Variants in DACH1 observed in about 807,000 individuals in gnomAD.
DACH1 encodes the protein dachshund family transcription factor 1.
A neutral mutation model predicts 54.2 loss-of-function variants in DACH1; 12 were observed. That is an observed-to-expected ratio of 0.22 (90% CI 0.14 to 0.36). The LOEUF (loss-of-function observed/expected upper bound fraction) is 0.36, where lower values mean the gene tolerates loss of function less well. Among genes scored for constraint, DACH1 ranks in the 10% least tolerant of loss-of-function variants. The pLI is 1.00. For missense variants in DACH1, 805 were observed against 929.8 expected (o/e 0.87, Z 1.75); for synonymous variants, 386 against 366.2 (o/e 1.05, Z -0.62).
At chr13:71,667,111 T>G (rs142072987) in intron 2 of DACH1, among the ~76,000 whole-genome samples, 2,293 of 152,270 alleles carry the variant, frequency 0.015, 35 homozygotes, top group Non-Finnish European at 0.023. Context: ...TCAATATTTT[T>G]TAAAGAGAAA....
intron 6 of DACH1, among the ~76,000 whole-genome samples, chr13:71,552,824 TATATATATATATATATATAG>T (rs1272399812): frequency 1.0e-3 from 52 of 50,992 alleles, no homozygotes; most frequent in African/African-American, 2.4e-3. Context: ...TATATATATA[TATATATATATATATATATAG>T]AGAGAGAGAG....
chr13:71,804,067 C>T (rs555218447), intron 1 of DACH1, among the ~76,000 whole-genome samples: 6 of 152,106 alleles, frequency 3.9e-5, no homozygotes, highest in African/African-American at 1.4e-4. Flanking sequence ...ATAGGTAATC[C>T]CAGCACTTCG....
intron 10 of DACH1, among the ~76,000 whole-genome samples, chr13:71,463,973 T>A (rs565722989): frequency 4.9e-4 from 74 of 152,004 alleles, no homozygotes; most frequent in Non-Finnish European, 2.2e-4. Context: ...CTGCTGCAAT[T>A]CTTTAGCAGA....
At chr13:71,580,960 AT>A (rs1219014369) in intron 3 of DACH1, among the ~76,000 whole-genome samples, 2 of 143,466 alleles carry the variant, frequency 1.4e-5, no homozygotes, top group Non-Finnish European at 3.1e-5. Context: ...AGGGGTCTTC[AT>A]TTTTTTCCCA....
chr13:71,591,395 C>T (rs549830884), intron 3 of DACH1, among the ~76,000 whole-genome samples: 38 of 152,194 alleles, frequency 2.5e-4, no homozygotes, highest in Admixed American at 9.8e-4. Flanking sequence ...TCTTTATACA[C>T]ATGGATTATA....
intron 1 of DACH1, among the ~76,000 whole-genome samples, chr13:71,834,395 C>T (rs1319106259): frequency 6.6e-6 from 1 of 151,946 alleles, no homozygotes; most frequent in East Asian, 1.9e-4. Context: ...ATGGATGATG[C>T]AAAGGTTCTC....
At chr13:71,815,613 G>A (rs1032650719) in intron 1 of DACH1, among the ~76,000 whole-genome samples, 17 of 152,132 alleles carry the variant, frequency 1.1e-4, no homozygotes, top group Non-Finnish European at 1.9e-4. Flanking sequence ...TGATTTGAGT[G>A]ATTTTTCAAG....
chr13:71,515,916 G>C (rs1332443446), intron 6 of DACH1, among the ~76,000 whole-genome samples: 1 of 151,754 alleles, frequency 6.6e-6, no homozygotes, highest in African/African-American at 2.4e-5. Flanking sequence ...CTTAATGTTG[G>C]CACACACTGA....
rs1873825808 is a variant in DACH1 at position 71,439,585 on chromosome 13, T to C, written c.*1070A>G. ...TTCAGCCACAATCCATTCCCAATAG[T>C]GCAGCTTGGGGCACTAGCTAGGGTT... On this transcript the variant is annotated 3_prime_UTR_variant, in exon 11 of 11. Coordinates refer to ENST00000613252, the MANE Select transcript of DACH1 (RefSeq NM_080759.6). 1 of 152,470 alleles carries C rather than the reference T, an allele frequency of 6.6e-6. No homozygotes were observed. Among genetic ancestry groups the C allele is most frequent in the Non-Finnish European group, 1.5e-5 (1 of 67,924 alleles). 9.4% of individuals were successfully genotyped at this position (152,470 alleles called of 1,614,324 possible).
Position 71,489,152 on chromosome 13 carries a change from C to T in DACH1, c.1571-4G>A, listed in dbSNP as rs373961997. 556 of 1,609,866 alleles carry T rather than the reference C, an allele frequency of 3.5e-4. No homozygotes were observed. The highest frequency in any genetic ancestry group is 4.4e-4 in the Non-Finnish European group (519 of 1,177,714). On this transcript the variant is annotated splice_polypyrimidine_tract_variant and splice_region_variant and intron_variant, in intron 6 of 10. Coordinates refer to ENST00000613252, the MANE Select transcript of DACH1 (RefSeq NM_080759.6). ...GGTGTAGAAAGCGGGGTCTCATCTGCATGTGATTGAAACAAAAATATAGAA... is the reference window on the plus strand; with the variant it reads ...GGTGTAGAAAGCGGGGTCTCATCTGTATGTGATTGAAACAAAAATATAGAA...
intron 10 of DACH1, among the ~76,000 whole-genome samples, chr13:71,463,575 CAA>C (rs968416656): frequency 6.6e-6 from 1 of 151,876 alleles, no homozygotes. Context: ...CAAAGGAACT[CAA>C]AGATTCTGGA....
At chr13:71,483,460 CAAAT>C (rs1394656453) in intron 7 of DACH1, among the ~76,000 whole-genome samples, 3 of 144,800 alleles carry the variant, frequency 2.1e-5, no homozygotes, top group Non-Finnish European at 3.0e-5. Flanking sequence ...TAATAAATAA[CAAAT>C]AATACCTTAT....
intron 1 of DACH1, among the ~76,000 whole-genome samples, chr13:71,725,090 A>C (rs931926570): frequency 6.6e-6 from 1 of 152,166 alleles, no homozygotes; most frequent in Non-Finnish European, 1.5e-5. Context: ...AAAAATTCAA[A>C]AGAAAACTTG....
chr13:71,748,910 T>C (rs879754247), intron 1 of DACH1, among the ~76,000 whole-genome samples: 4,807 of 38,530 alleles, frequency 0.12, 503 homozygotes, highest in African/African-American at 0.23. Context: ...CTTTCTTTCT[T>C]TCTTTCTTTC....
chr13:71,613,476 T>C (rs1875494044), intron 3 of DACH1, among the ~76,000 whole-genome samples: 1 of 152,144 alleles, frequency 6.6e-6, no homozygotes, highest in Non-Finnish European at 1.5e-5. Context: ...ATCATCACTG[T>C]AGCTGTTGCA....
At chr13:71,575,533 C>A (rs961361366) in intron 3 of DACH1, among the ~76,000 whole-genome samples, 1 of 151,926 alleles carries the variant, frequency 6.6e-6, no homozygotes, top group African/African-American at 2.4e-5. Context: ...TCACTCATAT[C>A]AGTAGAGATG....
At chr13:71,820,289 A>G (rs992661754) in intron 1 of DACH1, among the ~76,000 whole-genome samples, 1 of 151,992 alleles carries the variant, frequency 6.6e-6, no homozygotes, top group Non-Finnish European at 1.5e-5. Flanking sequence ...TCTTAGTATC[A>G]CCATACCATT....
chr13:71,546,545 CAT>C (rs1883478903), intron 6 of DACH1, among the ~76,000 whole-genome samples: 1 of 151,874 alleles, frequency 6.6e-6, no homozygotes, highest in Non-Finnish European at 1.5e-5. Flanking sequence ...AATTTAGAAA[CAT>C]ATTGAGCATT....
At chr13:71,641,296 C>T (rs1014144805) in intron 2 of DACH1, among the ~76,000 whole-genome samples, 12 of 152,004 alleles carry the variant, frequency 7.9e-5, no homozygotes, top group African/African-American at 2.9e-4. Flanking sequence ...AATACAGACA[C>T]ACAGTATTCT....
Sources: gnomAD v4.1 joint callset for allele counts (sites outside exome capture counted in the v4.1 genomes callset) on GRCh38, gnomAD v4.1.1 for gene constraint, MANE v1.5 for transcripts, NCBI Gene and HGNC (gene_info 2026-07-23, HGNC 2026-07-21) for gene names.